AEBP2: variants seen among roughly 807,000 people sequenced by gnomAD.
The protein encoded by AEBP2 is AE binding protein 2, also known as zinc finger protein AEBP2.
A neutral mutation model predicts 50.8 loss-of-function variants in AEBP2; 10 were observed. The observed-to-expected ratio is 0.20, with a 90% CI of 0.12 to 0.33. AEBP2 has a LOEUF of 0.33. Ranked by LOEUF, AEBP2 falls within the 10% of genes least tolerant of loss-of-function variation. AEBP2 has a pLI of 1.00. For synonymous variants in AEBP2, 296 were observed against 261.3 expected, an observed-to-expected ratio of 1.13 and a Z score of -1.28; for missense variants, 570 against 688.0, an observed-to-expected ratio of 0.83 and a Z score of 1.92.
intron 1 of AEBP2, among the ~76,000 whole-genome samples, chr12:19,455,452 T>C (rs1403745137): frequency 6.6e-6 from 1 of 152,190 alleles, no homozygotes; most frequent in Non-Finnish European, 1.5e-5. Flanking sequence ...GTTTTGTCCT[T>C]CTCAGTCATG....
chr12:19,477,780 G>A, intron 3 of AEBP2, among the ~76,000 whole-genome samples: 1 of 152,090 alleles, frequency 6.6e-6, no homozygotes, highest in Non-Finnish European at 1.5e-5. Context: ...TGGTATTAGG[G>A]TGATACTGGC....
rs1005779891 is a variant in AEBP2, at chr12:19,520,511, C to T, written c.*2394C>T. ...TGTATGTATACATATATACACATAA[C>T]ATCCAATTATGACTGGGTAATAAGT... On this transcript the variant is annotated 3_prime_UTR_variant, in exon 8 of 8. Coordinates refer to ENST00000266508, the MANE Select transcript of AEBP2 (RefSeq NM_153207.5). 2 of 152,150 alleles carry T rather than the reference C, an allele frequency of 1.3e-5. No individual in the cohort carries two copies. Among genetic ancestry groups the T allele is most frequent in the Non-Finnish European group, 2.9e-5 (2 of 68,028 alleles). The allele number at this position is 152,150 out of a possible 1,614,324, so 9.4% of individuals were successfully genotyped here.
intron 1 of AEBP2, among the ~76,000 whole-genome samples, chr12:19,441,832 C>CAT (rs1484621787): frequency 6.6e-6 from 1 of 152,190 alleles, no homozygotes; most frequent in Non-Finnish European, 1.5e-5. Flanking sequence ...GATACCATTA[C>CAT]ATATCTGAAA....
At chr12:19,496,836 AT>A (rs1435783359) in intron 4 of AEBP2, among the ~76,000 whole-genome samples, 8 of 148,470 alleles carry the variant, frequency 5.4e-5, no homozygotes, top group African/African-American at 4.9e-5. Context: ...TAATTTTTGT[AT>A]TTTTTTTTGG....
intron 1 of AEBP2, among the ~76,000 whole-genome samples, chr12:19,418,112 A>G (rs2153364108): frequency 6.6e-6 from 1 of 152,274 alleles, no homozygotes; most frequent in Non-Finnish European, 1.5e-5. Flanking sequence ...AACATTCACC[A>G]TCTGTTGTCT....
intron 5 of AEBP2, among the ~76,000 whole-genome samples, chr12:19,506,023 T>G (rs1949152384): frequency 6.6e-6 from 1 of 152,042 alleles, no homozygotes; most frequent in African/African-American, 2.4e-5. Flanking sequence ...ACTCCTGGGC[T>G]CAAGTGATCC....
chr12:19,417,657 C>G (rs1001001665), intron 1 of AEBP2, among the ~76,000 whole-genome samples: 6 of 151,694 alleles, frequency 4.0e-5, no homozygotes, highest in Non-Finnish European at 8.8e-5. Context: ...ATCCTCTTGC[C>G]TCAGCCTCCC....
At chr12:19,470,311 C>T (rs138967965) in intron 2 of AEBP2, among the ~76,000 whole-genome samples, 1 of 152,234 alleles carries the variant, frequency 6.6e-6, no homozygotes, top group African/African-American at 2.4e-5. Flanking sequence ...GCATGTGCCA[C>T]CACACTCGGC....
At chr12:19,459,727 A>G (rs2153369717) in intron 1 of AEBP2, among the ~76,000 whole-genome samples, 1 of 152,266 alleles carries the variant, frequency 6.6e-6, no homozygotes, top group East Asian at 1.9e-4. Flanking sequence ...TAGAATCTAT[A>G]TTGACTAGGC....
chr12:19,409,213 G>T (rs1030907334), intron 1 of AEBP2, among the ~76,000 whole-genome samples: 3 of 152,082 alleles, frequency 2.0e-5, no homozygotes, highest in Non-Finnish European at 4.4e-5. Context: ...ATCTACTTGC[G>T]TTAGTGTTGC....
Position 19,439,626 on chromosome 12 carries a change from G to T in AEBP2, c.-74G>T. ...GGCGGAGTTTTGGGCGTTTGGGAGG[G>T]GGGCGAGGGAGAGAGAGTCGAGAGA... On this transcript the variant is annotated 5_prime_UTR_variant, in exon 1 of 8. Transcript: ENST00000266508. The T allele has an allele frequency of 1.1e-5, 16 of 1,479,850 alleles. No homozygotes were observed. The highest frequency in any genetic ancestry group is 2.1e-5 in the Admixed American group (1 of 46,936). The allele number at this position is 1,479,850 out of a possible 1,614,324, so 91.7% of individuals were successfully genotyped here.
At chr12:19,507,782 A>T (rs1282517052) in intron 5 of AEBP2, among the ~76,000 whole-genome samples, 1 of 152,242 alleles carries the variant, frequency 6.6e-6, no homozygotes, top group Non-Finnish European at 1.5e-5. Context: ...AAGTTCTATA[A>T]CTGGGAAGGT....
intron 5 of AEBP2, chr12:19,509,127 G>T (rs554717875): frequency 3.8e-6 from 2 of 522,154 alleles, no homozygotes; most frequent in South Asian, 4.9e-5. Context: ...GAACATGTCA[G>T]CAGGGCCTGT....
At chr12:19,444,904 A>G (rs1470931477) in intron 1 of AEBP2, among the ~76,000 whole-genome samples, 1 of 152,128 alleles carries the variant, frequency 6.6e-6, no homozygotes, top group Non-Finnish European at 1.5e-5. Context: ...GCATTTATGT[A>G]TTTATTTTGA....
chr12:19,474,428 T>G (rs1183429418), intron 3 of AEBP2, among the ~76,000 whole-genome samples: 1 of 152,172 alleles, frequency 6.6e-6, no homozygotes, highest in African/African-American at 2.4e-5. Flanking sequence ...AATCAGCAAG[T>G]TAAAACATTA....
chr12:19,471,735 T>TG (rs1428043896), intron 2 of AEBP2, among the ~76,000 whole-genome samples: 1 of 152,118 alleles, frequency 6.6e-6, no homozygotes. Flanking sequence ...CTTGCTGTGT[T>TG]GCCCAGGCTG....
In AEBP2 at chr12:19,469,060, G is replaced by C. The variant is rs113992942; in HGVS notation, c.880-4188G>C. ...CTCCCTCAGCCTCCCAAGTAGCTGGGATTACAGGCGTGTGTCATCACACCT... is the reference window on the plus strand; with the variant it reads ...CTCCCTCAGCCTCCCAAGTAGCTGGCATTACAGGCGTGTGTCATCACACCT... On this transcript the variant is annotated intron_variant, in intron 2 of 7. Coordinates refer to ENST00000266508, the MANE Select transcript of AEBP2 (RefSeq NM_153207.5). Among the ~76,000 whole-genome samples the C allele has an allele frequency of 3.5e-3, 527 of 152,282 alleles. 6 individuals carry two copies. Among genetic ancestry groups the C allele is most frequent in the African/African-American group, 0.012 (511 of 41,560 alleles).
chr12:19,447,698 C>T (rs1371440022), intron 1 of AEBP2, among the ~76,000 whole-genome samples: 1 of 151,346 alleles, frequency 6.6e-6, no homozygotes, highest in African/African-American at 2.4e-5. Flanking sequence ...TATATATCCC[C>T]ATTTCTCATG....
chr12:19,488,829 C>T lies in AEBP2; in HGVS notation c.988-4971C>T, dbSNP rs73339337. 5.1e-3 allele frequency among the ~76,000 whole-genome samples: 781 copies of T among 152,240 alleles called. 6 individuals carry two copies. Among genetic ancestry groups the T allele is most frequent in the African/African-American group, 0.015 (606 of 41,560 alleles). The stretch of plus-strand genomic sequence containing the variant: ...TTTTGTTATTTGAGATGGACTCTTG[C>T]TCTGTCACCCAGAGCAATGGTGCGA... On this transcript the variant is annotated intron_variant, in intron 3 of 7. Transcript: ENST00000266508.
Sources: gnomAD v4.1 joint callset for allele counts (sites outside exome capture counted in the v4.1 genomes callset) on GRCh38, gnomAD v4.1.1 for gene constraint, MANE v1.5 for transcripts, NCBI Gene and HGNC (gene_info 2026-07-23, HGNC 2026-07-21) for gene names.